The following DDR2 variants were observed in gnomAD, a reference collection of about 807,000 sequenced individuals.
DDR2 encodes the protein discoidin domain-containing receptor 2.
In DDR2, 27 loss-of-function variants were observed where a neutral mutation model predicts 94.9. That is an observed-to-expected ratio of 0.28 (90% CI 0.21 to 0.39). The LOEUF is 0.39. DDR2 is among the 10% of genes least tolerant of loss of function. DDR2 has a pLI of 1.00. For missense variants in DDR2, 783 were observed against 1,076.0 expected, an observed-to-expected ratio of 0.73 and a Z score of 3.81; for synonymous variants, 382 against 377.2, an observed-to-expected ratio of 1.01 and a Z score of -0.15.
At chr1:162,667,617 G>A (rs1658648163) in intron 2 of DDR2, among the ~76,000 whole-genome samples, 2 of 152,178 alleles carry the variant, frequency 1.3e-5, no homozygotes, top group Admixed American at 1.3e-4. Context: ...ATGCACTGGT[G>A]GTGAGTGAGG....
In DDR2 at chr1:162,705,635, T is replaced by C. The variant is rs569387962; in HGVS notation, c.-27-13402T>C. ...GGGCCTTGGAACTCCTCCATTTTCA[T>C]TCATTCCAGCCTCGTTGTTGGAATG... On this transcript the variant is annotated intron_variant, in intron 2 of 17. Coordinates refer to ENST00000367921, the MANE Select transcript of DDR2 (RefSeq NM_006182.4). Among the ~76,000 whole-genome samples the C allele has an allele frequency of 3.3e-5, 5 of 152,272 alleles. No homozygotes were observed. In the South Asian group the frequency reaches 1.0e-3, roughly 32 times the overall value.
chr1:162,742,359 G>C (rs2102090370), intron 3 of DDR2, among the ~76,000 whole-genome samples: 1 of 152,318 alleles, frequency 6.6e-6, no homozygotes, highest in South Asian at 2.1e-4. Flanking sequence ...CATGGCATTG[G>C]AATCTGTTTG....
At position 162,785,944 on chromosome 1, in the gene DDR2, G is replaced by C. The variant is rs1235654937; in HGVS notation, c.*5698G>C. 1 of 152,168 alleles carries C rather than the reference G, an allele frequency of 6.6e-6. No individual in the cohort carries two copies. Among genetic ancestry groups the C allele is most frequent in the Non-Finnish European group, 1.5e-5 (1 of 68,022 alleles). The allele number at this position is 152,168 out of a possible 1,614,324, so 9.4% of individuals were successfully genotyped here. A position where few individuals can be genotyped will look rare whatever the true frequency, so the allele number is the denominator to read the frequency against. ...CTCTGGCCTCATACCCAGCCTATTT[G>C]AAACAAGCTATCTAGTTTCTCCTGC... On this transcript the variant is annotated 3_prime_UTR_variant, in exon 18 of 18. Transcript: ENST00000367921.
chr1:162,766,057 A>G lies in DDR2; in HGVS notation c.1156A>G (p.Thr386Ala). 6.2e-7 allele frequency: 1 copy of G among 1,613,760 alleles called. No individual in the cohort carries two copies. Among genetic ancestry groups the G allele is most frequent in the Non-Finnish European group, 8.5e-7 (1 of 1,179,936 alleles). ...GCCCACCTCTCCTATGGCACCCACA[A>G]CCTATGGTATATGTGATTCCTAATT... ...ALPTSPMAPT[T>A]YDPMLKVDDS... is the part of the protein sequence containing the mutation. The change falls in exon 10 of 18, where the codon ACC (threonine) becomes GCC (alanine). Residue 386 changes from threonine to alanine, a missense_variant. By Grantham distance (58) the Thr-to-Ala change is moderately conservative. Transcript: ENST00000367921.
At chr1:162,655,548 T>C (rs559692848) in intron 2 of DDR2, among the ~76,000 whole-genome samples, 174 bp downstream of exon 2, 1 of 152,260 alleles carries the variant, frequency 6.6e-6, no homozygotes. Context: ...ATATAGGAAA[T>C]CTGTTGTGGA....
At chr1:162,719,758 A>G (rs1163233449) in intron 3 of DDR2, among the ~76,000 whole-genome samples, 1 of 152,206 alleles carries the variant, frequency 6.6e-6, no homozygotes, top group African/African-American at 2.4e-5. Flanking sequence ...ACCTATCCAA[A>G]GCTCAATGTC....
intron 1 of DDR2, among the ~76,000 whole-genome samples, chr1:162,648,057 CT>C (rs34938100): frequency 0.93 from 132,432 of 142,684 alleles, 61,887 homozygotes; most frequent in Non-Finnish European, 0.99. Context: ...AGGTTTTTTC[CT>C]TTTTTTTTTT....
chr1:162,757,763 C>CT (rs1332678221), intron 7 of DDR2, among the ~76,000 whole-genome samples: 2 of 152,092 alleles, frequency 1.3e-5, no homozygotes, highest in Admixed American at 1.3e-4. Flanking sequence ...TTTTAAAACT[C>CT]TTAGTTCTGC....
rs1647347136 is a variant in DDR2, at chr1:162,773,475, C to G, written c.1735C>G (p.Leu579Val). The change falls in exon 14 of 18, where the codon CTC (leucine) becomes GTC (valine). Residue 579 changes from leucine to valine, a missense_variant. Physicochemically the swap from Leu to Val is conservative, Grantham distance 32. Coordinates refer to ENST00000367921, the MANE Select transcript of DDR2 (RefSeq NM_006182.4). ...CTAGATGACTTTTGTCTAGGTTCAT[C>G]TCTGTGAAGTGGAGGGAATGGAAAA... ...LGEGQFGEVH[L>V]CEVEGMEKFK... The G allele has an allele frequency of 6.2e-7, 1 of 1,613,724 alleles. No individual in the cohort carries two copies.
intron 7 of DDR2, among the ~76,000 whole-genome samples, chr1:162,758,875 G>T (rs1396621823): frequency 6.6e-6 from 1 of 152,178 alleles, no homozygotes; most frequent in Non-Finnish European, 1.5e-5. Flanking sequence ...TTGAGATGCA[G>T]AGCTTGAGGA....
chr1:162,710,092 T>C (rs142347001), intron 2 of DDR2, among the ~76,000 whole-genome samples: 5 of 152,302 alleles, frequency 3.3e-5, no homozygotes, highest in African/African-American at 1.2e-4. Context: ...TCTATAATAG[T>C]CATGTGACTC....
chr1:162,635,178 A>T (rs1257531056), intron 1 of DDR2, among the ~76,000 whole-genome samples: 1 of 152,114 alleles, frequency 6.6e-6, no homozygotes, highest in Non-Finnish European at 1.5e-5. Context: ...GTGAACTCGC[A>T]CTTTTCTTTC....
chr1:162,748,611 AC>A (rs1325650677), intron 3 of DDR2, among the ~76,000 whole-genome samples: 2 of 152,242 alleles, frequency 1.3e-5, no homozygotes, highest in African/African-American at 4.8e-5. Flanking sequence ...CAGAAAGTTA[AC>A]AAGGATATCC....
chr1:162,695,335 A>G (rs1395710601), intron 2 of DDR2, among the ~76,000 whole-genome samples: 2 of 152,238 alleles, frequency 1.3e-5, no homozygotes, highest in African/African-American at 4.8e-5. Flanking sequence ...AGGTTCAAGC[A>G]ATTCTTGTGT....
At chr1:162,649,942 AG>A (rs1489688628) in intron 1 of DDR2, among the ~76,000 whole-genome samples, 2 of 152,204 alleles carry the variant, frequency 1.3e-5, no homozygotes, top group Non-Finnish European at 2.9e-5. Flanking sequence ...CCGTAAAATA[AG>A]GAAGTTGGGT....
chr1:162,688,943 G>T (rs1659825555), intron 2 of DDR2, among the ~76,000 whole-genome samples: 1 of 152,204 alleles, frequency 6.6e-6, no homozygotes, highest in South Asian at 2.1e-4. Flanking sequence ...TGTTTTCACT[G>T]ATGATGAAGC....
In DDR2 at chr1:162,754,774, C is replaced by T. The variant is rs146276174; in HGVS notation, c.336C>T (p.Ile112=). 155 of 1,613,924 alleles carry T rather than the reference C, an allele frequency of 9.6e-5. No individual in the cohort carries two copies. The highest frequency in any genetic ancestry group is 1.6e-4 in the Middle Eastern group (1 of 6,084). ...GGCGCCATGCAGGAGGTCATGGCAT[C>T]GAGTTTGCCCCCATGTACAAGATCA... ...TQGRHAGGHG[I]EFAPMYKINY... Residue 112 remains isoleucine, a synonymous_variant, in exon 5 of 18, where the codon ATC becomes ATT. Transcript: ENST00000367921.
At chr1:162,641,593 T>G (rs984069035) in intron 1 of DDR2, among the ~76,000 whole-genome samples, 2 of 152,240 alleles carry the variant, frequency 1.3e-5, no homozygotes, top group African/African-American at 4.8e-5. Context: ...GATTAAGGGC[T>G]TATTTTATAT....
At chr1:162,771,953 C>CA in intron 12 of DDR2, 71 bp from the exon 13 acceptor site, 1 of 1,502,654 alleles carries the variant, frequency 6.7e-7, no homozygotes, top group Non-Finnish European at 9.1e-7. Context: ...GCCCTCCTCT[C>CA]AGAGTTCCTT....
Sources: gnomAD v4.1 joint callset for allele counts (sites outside exome capture counted in the v4.1 genomes callset) on GRCh38, gnomAD v4.1.1 for gene constraint, MANE v1.5 for transcripts, NCBI Gene and HGNC (gene_info 2026-07-23, HGNC 2026-07-21) for gene names.